AUTS2: variants seen among roughly 807,000 people sequenced by gnomAD.
AUTS2 encodes the protein autism susceptibility gene 2 protein.
AUTS2 carries 17 observed loss-of-function variants against 112.4 expected under a neutral mutation model. The observed-to-expected ratio is 0.15, with a 90% CI of 0.10 to 0.23. The LOEUF (loss-of-function observed/expected upper bound fraction) is 0.23, where lower values mean the gene tolerates loss of function less well. Among genes scored for constraint, AUTS2 ranks in the 10% least tolerant of loss-of-function variants. AUTS2 has a pLI of 1.00. For synonymous variants in AUTS2, 751 were observed against 702.7 expected, an observed-to-expected ratio of 1.07 and a Z score of -1.09; for missense variants, 1,510 against 1,701.6, an observed-to-expected ratio of 0.89 and a Z score of 1.98.
intron 4 of AUTS2, among the ~76,000 whole-genome samples, chr7:70,295,350 A>G (rs920187414): frequency 6.6e-6 from 1 of 152,102 alleles, no homozygotes; most frequent in Non-Finnish European, 1.5e-5. Context: ...CCTCAGACCC[A>G]CTGGAGGCCA....
chr7:69,602,010 A>G (rs1045939961), intron 1 of AUTS2, among the ~76,000 whole-genome samples: 5 of 140,766 alleles, frequency 3.6e-5, no homozygotes, highest in Admixed American at 2.1e-4. Context: ...GTAGGGATAT[A>G]TGTGTGTGTG....
rs1268219435 is a variant in AUTS2 at position 70,010,878 on chromosome 7, GA to G, written c.523-107251del. ...GGACATCTGTGGATTCTGGATATTA[GA>G]AATTGGAAGGAAAAGCTTGTAAGGG... On this transcript the variant is annotated intron_variant, in intron 2 of 18. Coordinates refer to ENST00000342771, the MANE Select transcript of AUTS2 (RefSeq NM_015570.4). Among the ~76,000 whole-genome samples, 3 of 150,898 alleles carry G rather than the reference GA, an allele frequency of 2.0e-5. No homozygotes were observed. In the East Asian group the frequency reaches 5.8e-4, roughly 29 times the overall value.
At chr7:70,268,887 A>C (rs891999710) in intron 4 of AUTS2, among the ~76,000 whole-genome samples, 1 of 152,174 alleles carries the variant, frequency 6.6e-6, no homozygotes, top group Non-Finnish European at 1.5e-5. Flanking sequence ...ATATAAAAAT[A>C]TGGAACACTA....
chr7:70,701,592 G>T (rs1360958936), intron 6 of AUTS2, among the ~76,000 whole-genome samples: 5 of 152,128 alleles, frequency 3.3e-5, no homozygotes, highest in Non-Finnish European at 7.3e-5. Context: ...GTTCCGAATG[G>T]TCGTTTTCTT....
At chr7:70,237,396 G>A (rs1314517005) in intron 4 of AUTS2, among the ~76,000 whole-genome samples, 1 of 152,050 alleles carries the variant, frequency 6.6e-6, no homozygotes, top group African/African-American at 2.4e-5. Flanking sequence ...GTCTCTCATT[G>A]GCATGGCCGC....
At chr7:70,300,004 T>C (rs906011079) in intron 4 of AUTS2, among the ~76,000 whole-genome samples, 1 of 152,096 alleles carries the variant, frequency 6.6e-6, no homozygotes, top group African/African-American at 2.4e-5. Flanking sequence ...TAAAGAAAAA[T>C]AACACCTTAT....
intron 6 of AUTS2, among the ~76,000 whole-genome samples, chr7:70,745,384 C>A (rs1788388860): frequency 6.6e-6 from 1 of 152,108 alleles, no homozygotes; most frequent in Admixed American, 6.5e-5. Flanking sequence ...TTTTAAGTTA[C>A]CTGCTGACTG....
intron 4 of AUTS2, among the ~76,000 whole-genome samples, chr7:70,327,190 T>A (rs1056035775): frequency 8.5e-5 from 13 of 152,166 alleles, no homozygotes; most frequent in African/African-American, 2.9e-4. Context: ...AGTGCTGGGA[T>A]TACAGGTGTA....
chr7:70,049,133 C>T (rs945499538), intron 2 of AUTS2, among the ~76,000 whole-genome samples: 3 of 152,142 alleles, frequency 2.0e-5, no homozygotes, highest in African/African-American at 7.2e-5. Flanking sequence ...ATAGACGACA[C>T]TCCCATCATG....
intron 1 of AUTS2, among the ~76,000 whole-genome samples, chr7:69,614,143 C>G (rs150949177): frequency 6.6e-6 from 1 of 152,238 alleles, no homozygotes; most frequent in Non-Finnish European, 1.5e-5. Context: ...AGGTCATTCT[C>G]TGGGACTTCA....
At chr7:69,835,465 T>A (rs114551111) in intron 1 of AUTS2, among the ~76,000 whole-genome samples, 1 of 152,152 alleles carries the variant, frequency 6.6e-6, no homozygotes, top group Non-Finnish European at 1.5e-5. Flanking sequence ...TCACTGTTAG[T>A]GGGAGCTTAG....
At chr7:69,654,698 C>T (rs565414573) in intron 1 of AUTS2, among the ~76,000 whole-genome samples, 1 of 152,256 alleles carries the variant, frequency 6.6e-6, no homozygotes, top group Admixed American at 6.5e-5. Context: ...GATAGCTGGA[C>T]TTGTGACGGT....
At chr7:70,194,191 C>G (rs868827119) in intron 4 of AUTS2, among the ~76,000 whole-genome samples, 1 of 152,076 alleles carries the variant, frequency 6.6e-6, no homozygotes, top group African/African-American at 2.4e-5. Context: ...GGGTAGATCT[C>G]TTTAGGTCAG....
At chr7:70,178,303 T>A (rs909948175) in intron 4 of AUTS2, among the ~76,000 whole-genome samples, 1 of 149,758 alleles carries the variant, frequency 6.7e-6, no homozygotes, top group Non-Finnish European at 1.5e-5. Context: ...CAATTAAAAA[T>A]ACTTTTTTTT....
At chr7:70,115,624 C>T (rs1353719700) in intron 2 of AUTS2, among the ~76,000 whole-genome samples, 1 of 152,238 alleles carries the variant, frequency 6.6e-6, no homozygotes, top group African/African-American at 2.4e-5. Flanking sequence ...AAACATCTAA[C>T]TGTGCACTGA....
chr7:70,152,897 T>C (rs977707275), intron 4 of AUTS2, among the ~76,000 whole-genome samples: 18 of 152,308 alleles, frequency 1.2e-4, no homozygotes, highest in South Asian at 2.1e-4. Flanking sequence ...GAATTGCAAC[T>C]CTTTTACACA....
At chr7:70,337,785 C>T (rs1791063401) in intron 4 of AUTS2, among the ~76,000 whole-genome samples, 1 of 152,158 alleles carries the variant, frequency 6.6e-6, no homozygotes, top group Non-Finnish European at 1.5e-5. Flanking sequence ...TGTGTGTTCA[C>T]AGTTGGGACA....
At chr7:70,491,435 CACAT>C (rs1798227426) in intron 5 of AUTS2, among the ~76,000 whole-genome samples, 1 of 120,132 alleles carries the variant, frequency 8.3e-6, no homozygotes, top group African/African-American at 3.6e-5. Context: ...CACACACACA[CACAT>C]ATATACACAT....
intron 4 of AUTS2, among the ~76,000 whole-genome samples, chr7:70,289,253 A>C (rs1425515367): frequency 2.6e-5 from 4 of 152,262 alleles, no homozygotes; most frequent in African/African-American, 4.8e-5. Context: ...GTCACTGCAC[A>C]TATGATCCAA....
Sources: gnomAD v4.1 joint callset for allele counts (sites outside exome capture counted in the v4.1 genomes callset) on GRCh38, gnomAD v4.1.1 for gene constraint, MANE v1.5 for transcripts, NCBI Gene and HGNC (gene_info 2026-07-23, HGNC 2026-07-21) for gene names.